SIGLECL1: variants seen among roughly 807,000 people sequenced by gnomAD.
SIGLECL1 encodes the protein SIGLEC family like 1, also known as SIGLEC family-like protein 1.
A neutral mutation model predicts 19.1 loss-of-function variants in SIGLECL1; 16 were observed. The ratio of observed to expected loss-of-function variants is 0.84; its 90% confidence interval spans 0.57 to 1.27. The LOEUF is 1.27. SIGLECL1 is among the 50% of genes most tolerant of loss of function. The probability of loss-of-function intolerance (pLI) is 0.00; values close to 1 mark genes in which losing one functional copy is unlikely to be tolerated. For synonymous variants in SIGLECL1, 89 were observed against 90.4 expected (o/e 0.98, Z 0.09); for missense variants, 210 against 239.4 (o/e 0.88, Z 0.81).
chr19:51,261,207 T>C (rs934494003), intron 1 of SIGLECL1, among the ~76,000 whole-genome samples: 31 of 152,256 alleles, frequency 2.0e-4, no homozygotes, highest in Admixed American at 2.0e-3. Flanking sequence ...GTCTGCTTTA[T>C]GGGATGTTAA....
upstream of SIGLECL1, among the ~76,000 whole-genome samples, chr19:51,249,728 G>T (rs918439779): frequency 6.6e-6 from 1 of 152,078 alleles, no homozygotes; most frequent in East Asian, 1.9e-4. Flanking sequence ...ACAGGAAAGG[G>T]GTTCTGATCC....
intron 1 of SIGLECL1, among the ~76,000 whole-genome samples, chr19:51,252,305 AAAAAG>A (rs1001542339): frequency 3.9e-5 from 6 of 151,990 alleles, no homozygotes; most frequent in African/African-American, 1.4e-4. Context: ...TCAAAAAAAA[AAAAAG>A]AAAAGAAAAG....
Position 51,265,118 on chromosome 19 carries a change from G to A in SIGLECL1, c.23-250G>A, listed in dbSNP as rs11878307. 4.1e-3 allele frequency among the ~76,000 whole-genome samples: 619 copies of A among 152,196 alleles called. 5 individuals are homozygous for A. Among genetic ancestry groups the A allele is most frequent in the African/African-American group, 0.014 (600 of 41,518 alleles). Reference sequence around the variant, plus strand: ...CTTCTAGCCTTGCAGGGTAGGTGAGGGATCACAGACAATGTAGAGCCTCAG... The same window carrying A: ...CTTCTAGCCTTGCAGGGTAGGTGAGAGATCACAGACAATGTAGAGCCTCAG... On this transcript the variant is annotated intron_variant, in intron 2 of 5. Coordinates refer to ENST00000601727, the MANE Select transcript of SIGLECL1 (RefSeq NM_001385465.1).
intron 1 of SIGLECL1, among the ~76,000 whole-genome samples, chr19:51,253,542 G>A (rs1982622169): frequency 6.6e-6 from 1 of 152,222 alleles, no homozygotes; most frequent in Admixed American, 6.5e-5. Context: ...CAGGCTGACA[G>A]TGAGGGAAGT....
chr19:51,255,131 A>G (rs368712960), intron 1 of SIGLECL1, among the ~76,000 whole-genome samples: 2 of 151,980 alleles, frequency 1.3e-5, no homozygotes, highest in East Asian at 3.9e-4. Flanking sequence ...ATGGTGGAGC[A>G]CGCCTGTAAT....
chr19:51,256,594 G>T, intron 1 of SIGLECL1, among the ~76,000 whole-genome samples: 1 of 152,170 alleles, frequency 6.6e-6, no homozygotes, highest in East Asian at 1.9e-4. Context: ...GGTTTCATGT[G>T]CACCATGGTG....
At chr19:51,252,474 G>A (rs905960069) in intron 1 of SIGLECL1, among the ~76,000 whole-genome samples, 1 of 152,106 alleles carries the variant, frequency 6.6e-6, no homozygotes, top group African/African-American at 2.4e-5. Context: ...GAAATAAGAA[G>A]AGGGAAAATA....
intron 1 of SIGLECL1, among the ~76,000 whole-genome samples, chr19:51,254,222 G>A (rs182755355): frequency 7.2e-5 from 11 of 151,878 alleles, no homozygotes; most frequent in East Asian, 1.9e-4. Context: ...CCAGCTACTC[G>A]AGAGACTGAT....
At position 51,267,417 on chromosome 19, in the gene SIGLECL1, T is replaced by G; in HGVS notation, c.455T>G (p.Ile152Ser). The change falls in exon 5 of 6, where the codon ATC becomes AGC. Residue 152 changes from isoleucine (I) to serine (S), a missense_variant. Coordinates refer to ENST00000601727, the MANE Select transcript of SIGLECL1 (RefSeq NM_001385465.1). ...AAGCAGGCGAAGAAAGCTGCAGCGATCAGAGCAAAAAAGAGCTCTAAAGTC... is the reference window on the plus strand; with the variant it reads ...AAGCAGGCGAAGAAAGCTGCAGCGAGCAGAGCAAAAAAGAGCTCTAAAGTC... ...RKKQAKKAAA[I>S]RAKKSSKVRA... 1.9e-6 allele frequency: 3 copies of G among 1,614,008 alleles called. No individual in the cohort carries two copies. Among genetic ancestry groups the G allele is most frequent in the Non-Finnish European group, 2.5e-6 (3 of 1,180,022 alleles).
At position 51,263,817 on chromosome 19, in the gene SIGLECL1, C is replaced by G. The variant is rs1258106439; in HGVS notation, c.-190-66C>G. The G allele has an allele frequency of 7.4e-6, 3 of 404,130 alleles. No individual in the cohort carries two copies. In the East Asian group the frequency reaches 1.3e-4, roughly 18 times the overall value. 25.0% of individuals were successfully genotyped at this position (404,130 alleles called of 1,614,324 possible). A position where few individuals can be genotyped will look rare whatever the true frequency, so the allele number is the denominator to read the frequency against. On this transcript the variant is annotated intron_variant, in intron 1 of 5. Transcript: ENST00000601727. Reference sequence around the variant, plus strand: ...ATGACACTGAGGCTTCACAGACAATCTTAGTTGCCTCCCTGTCCGTACGTG... The same window carrying G: ...ATGACACTGAGGCTTCACAGACAATGTTAGTTGCCTCCCTGTCCGTACGTG...
At chr19:51,253,829 G>A (rs1199225301) in intron 1 of SIGLECL1, among the ~76,000 whole-genome samples, 1 of 152,118 alleles carries the variant, frequency 6.6e-6, no homozygotes, top group Admixed American at 6.5e-5. Flanking sequence ...CATGTCTTGG[G>A]GCCAGTCATA....
At position 51,251,226 on chromosome 19, in the gene SIGLECL1, CG is replaced by C. The variant is rs143799019; in HGVS notation, c.-508del. 6.5e-6 allele frequency: 1 copy of C among 152,820 alleles called. No individual in the cohort carries two copies. Among genetic ancestry groups the C allele is most frequent in the Admixed American group, 6.5e-5 (1 of 15,284 alleles). The allele number at this position is 152,820 out of a possible 1,614,324, so 9.5% of individuals were successfully genotyped here. On this transcript the variant is annotated 5_prime_UTR_variant, in exon 1 of 6. Transcript: ENST00000601727. The stretch of plus-strand genomic sequence containing the variant: ...GTCCCTGGCAGTTGTTGGGTTCTGG[CG>C]GTTGTTGGGTCCCTGGCAGTTGTTG...
At chr19:51,262,595 A>G (rs957382783) in intron 1 of SIGLECL1, among the ~76,000 whole-genome samples, 28 of 152,310 alleles carry the variant, frequency 1.8e-4, no homozygotes, top group African/African-American at 6.7e-4. Flanking sequence ...ATTTCTTCAC[A>G]CAGCACTGTT....
upstream of SIGLECL1, among the ~76,000 whole-genome samples, chr19:51,249,747 A>C (rs1982384511): frequency 6.6e-6 from 1 of 152,226 alleles, no homozygotes; most frequent in African/African-American, 2.4e-5. Flanking sequence ...CCAGACCCCA[A>C]GAGAGGATTC....
chr19:51,266,734 T>C (rs1256104768), intron 4 of SIGLECL1, among the ~76,000 whole-genome samples: 2 of 152,140 alleles, frequency 1.3e-5, no homozygotes, highest in Admixed American at 6.5e-5. Context: ...CTTAGCTGCA[T>C]GTATTAGCTA....
chr19:51,250,725 G>A (rs1324339190), upstream of SIGLECL1, among the ~76,000 whole-genome samples: 1 of 152,184 alleles, frequency 6.6e-6, no homozygotes, highest in Non-Finnish European at 1.5e-5. Context: ...GAAGAAAATT[G>A]GCCCACAAAC....
chr19:51,248,847 CAGTTTCGATTGGTTAAGCCTA>C (rs1982348574), upstream of SIGLECL1, among the ~76,000 whole-genome samples: 1 of 152,174 alleles, frequency 6.6e-6, no homozygotes, highest in African/African-American at 2.4e-5. Flanking sequence ...GGTTAGTAGG[CAGTTTCGATTGGTTAAGCCTA>C]AGTTTCATTT....
intron 4 of SIGLECL1, 98 bp downstream of exon 4, chr19:51,265,980 C>G: frequency 1.7e-6 from 2 of 1,211,300 alleles, no homozygotes; most frequent in South Asian, 1.3e-5. Context: ...CCCCTCCCCT[C>G]AAGGAGCTTA....
chr19:51,256,044 T>C (rs1469257708), intron 1 of SIGLECL1: 1 of 152,006 alleles, frequency 6.6e-6, no homozygotes, highest in Non-Finnish European at 1.5e-5. Flanking sequence ...TAAGTGTCCA[T>C]TAATAGATGA....
Sources: gnomAD v4.1 joint callset for allele counts (sites outside exome capture counted in the v4.1 genomes callset) on GRCh38, gnomAD v4.1.1 for gene constraint, MANE v1.5 for transcripts, NCBI Gene and HGNC (gene_info 2026-07-23, HGNC 2026-07-21) for gene names.